Variants in HDX observed in about 807,000 individuals in gnomAD.
HDX encodes the protein chromosome X open reading frame 43.
HDX carries 19 observed loss-of-function variants against 45.2 expected under a neutral mutation model. The observed-to-expected ratio is 0.42, with a 90% CI of 0.29 to 0.62. The LOEUF is 0.62. Among genes scored for constraint, HDX ranks in the 20% least tolerant of loss-of-function variants. The pLI is 0.20. For synonymous variants in HDX, 188 were observed against 172.8 expected, an observed-to-expected ratio of 1.09 and a Z score of -0.69; for missense variants, 532 against 493.9, an observed-to-expected ratio of 1.08 and a Z score of -0.73.
At chrX:84,405,588 C>CTTTTTTTTTTTT (rs55758874) in intron 5 of HDX, among the ~76,000 whole-genome samples, 70 of 58,125 alleles carry the variant, frequency 1.2e-3, no homozygotes, top group East Asian at 1.7e-3. Context: ...GGATTTTCTG[C>CTTTTTTTTTTTT]TTTTTTTTTT....
At chrX:84,329,156 T>C (rs1202643248) in intron 9 of HDX, among the ~76,000 whole-genome samples, 4 of 111,902 alleles carry the variant, frequency 3.6e-5, no homozygotes, top group African/African-American at 1.3e-4. Context: ...TTGTAAGTGT[T>C]TCTTATCAGA....
chrX:84,433,770 T>C (rs1368228653), intron 5 of HDX, among the ~76,000 whole-genome samples: 1 of 111,594 alleles, frequency 9.0e-6, no homozygotes, highest in East Asian at 2.8e-4. Flanking sequence ...TGTAGATTCC[T>C]GTGGGCCGTA....
intron 5 of HDX, among the ~76,000 whole-genome samples, chrX:84,422,797 T>C (rs750044172): frequency 1.9e-5 from 2 of 104,713 alleles, no homozygotes; most frequent in African/African-American, 7.0e-5. Flanking sequence ...GCCTCCCGAG[T>C]AGCTGGGACT....
At chrX:84,469,734 A>C (rs1167098417) in intron 3 of HDX, among the ~76,000 whole-genome samples, 159 bp from the exon 4 acceptor site, 4 of 112,455 alleles carry the variant, frequency 3.6e-5, no homozygotes, top group African/African-American at 1.3e-4. Flanking sequence ...ACTAAAGTAC[A>C]AAGGCAAAAG....
Position 84,475,359 on chromosome X carries a change from C to T in HDX, c.39G>A (p.Arg13=). ...LRSVFTVEQQ[R]ILQRYYENGM... is the part of the protein sequence containing the mutation. ...CATTTTCATAATAACGCTGTAAAAT[C>T]CTTTGTTGTTCTACAGTAAATACAG... is the stretch of plus-strand genomic sequence containing the variant. Residue 13 remains arginine (R), a synonymous_variant, in exon 3 of 11, where the codon AGG becomes AGA. Transcript: ENST00000373177. 8.7e-7 allele frequency: 1 copy of T among 1,153,959 alleles called. No individual in the cohort carries two copies. Among genetic ancestry groups the T allele is most frequent in the Non-Finnish European group, 1.2e-6 (1 of 850,529 alleles).
intron 7 of HDX, among the ~76,000 whole-genome samples, chrX:84,340,635 C>A (rs749050395): frequency 9.0e-6 from 1 of 110,876 alleles, no homozygotes; most frequent in Non-Finnish European, 1.9e-5. Flanking sequence ...CTTAATCAAA[C>A]GAATCGTATT....
At chrX:84,496,935 G>A (rs746444705) in intron 1 of HDX, among the ~76,000 whole-genome samples, 72 of 111,441 alleles carry the variant, frequency 6.5e-4, no homozygotes, top group African/African-American at 2.3e-3. Context: ...ATCTGGAATT[G>A]TAATCCCCAC....
intron 5 of HDX, 50 bp downstream of exon 5, chrX:84,440,482 A>C: frequency 4.5e-6 from 4 of 888,408 alleles, no homozygotes; most frequent in Non-Finnish European, 6.6e-6. Flanking sequence ...CATTTTTACT[A>C]ACAGCACAAG....
chrX:84,461,577 G>A (rs1041461614), intron 4 of HDX, among the ~76,000 whole-genome samples: 6 of 110,618 alleles, frequency 5.4e-5, no homozygotes, highest in Non-Finnish European at 1.1e-4. Flanking sequence ...AGAAAACTTC[G>A]GCAAAAATCT....
intron 2 of HDX, 149 bp downstream of exon 2, chrX:84,487,875 A>G (rs931269425): frequency 3.5e-4 from 39 of 112,389 alleles, no homozygotes; most frequent in African/African-American, 1.2e-3. Flanking sequence ...ACAGAGAATG[A>G]AACTGACTCA....
chrX:84,482,829 C>T (rs757714795), intron 2 of HDX, among the ~76,000 whole-genome samples: 11 of 111,806 alleles, frequency 9.8e-5, no homozygotes, highest in Middle Eastern at 4.6e-3. Context: ...AAGTCGCTTC[C>T]GCCTATGAGC....
chrX:84,366,424 C>A (rs1033447447), intron 5 of HDX, among the ~76,000 whole-genome samples: 6 of 111,544 alleles, frequency 5.4e-5, no homozygotes, highest in Non-Finnish European at 1.1e-4. Flanking sequence ...AATTTATAGA[C>A]TCAATGCTAT....
At chrX:84,457,858 C>G (rs1452146653) in intron 4 of HDX, among the ~76,000 whole-genome samples, 2 of 111,985 alleles carry the variant, frequency 1.8e-5, no homozygotes, top group African/African-American at 6.5e-5. Flanking sequence ...CAAAATGTAA[C>G]ATGCTAACGT....
intron 5 of HDX, among the ~76,000 whole-genome samples, chrX:84,379,022 C>T (rs147330459): frequency 0.11 from 11,906 of 109,469 alleles, 625 homozygotes; most frequent in East Asian, 0.26. Flanking sequence ...TTATATCAGA[C>T]AAAGTAGATT....
At chrX:84,351,660 T>G (rs767353498) in intron 6 of HDX, among the ~76,000 whole-genome samples, 1 of 111,551 alleles carries the variant, frequency 9.0e-6, no homozygotes, top group Admixed American at 9.6e-5. Flanking sequence ...TTCCAGTATC[T>G]ATTCTGGGGT....
At chrX:84,424,656 A>G (rs2039345036) in intron 5 of HDX, among the ~76,000 whole-genome samples, 1 of 111,259 alleles carries the variant, frequency 9.0e-6, no homozygotes, top group South Asian at 3.7e-4. Flanking sequence ...ATCCAAATCA[A>G]CACACCTACA....
chrX:84,387,155 T>A (rs947750583), intron 5 of HDX, among the ~76,000 whole-genome samples: 2 of 112,200 alleles, frequency 1.8e-5, no homozygotes, highest in African/African-American at 3.2e-5. Flanking sequence ...TTTCGAGAGA[T>A]CTTGATATTC....
chrX:84,372,311 T>C (rs2037915897), intron 5 of HDX, among the ~76,000 whole-genome samples: 1 of 111,956 alleles, frequency 8.9e-6, no homozygotes, highest in Non-Finnish European at 1.9e-5. Flanking sequence ...GTCATCAGGT[T>C]ACCCATATAT....
At chrX:84,354,928 CACAT>C (rs1375614491) in intron 6 of HDX, among the ~76,000 whole-genome samples, 19 of 21,365 alleles carry the variant, frequency 8.9e-4, no homozygotes, top group South Asian at 3.4e-3. Flanking sequence ...TACACACACA[CACAT>C]ATATATATAT....
Sources: allele counts gnomAD v4.1 joint callset (sites outside exome capture counted in the v4.1 genomes callset), GRCh38; gene constraint gnomAD v4.1.1; transcripts MANE v1.5; gene names NCBI Gene and HGNC (gene_info 2026-07-23, HGNC 2026-07-21).